Variants in PPM1H observed in about 807,000 individuals in gnomAD.
The protein encoded by PPM1H is protein phosphatase, Mg2+/Mn2+ dependent 1H.
Under a neutral mutation model 54.9 loss-of-function variants are expected in PPM1H, and 27 were observed. The observed-to-expected ratio is 0.49, with a 90% confidence interval of 0.36 to 0.68. The LOEUF is 0.68. Among genes scored for constraint, PPM1H ranks in the 30% least tolerant of loss-of-function variants. The pLI is 0.00. For missense variants in PPM1H, 596 were observed against 667.8 expected (o/e 0.89, Z 1.19); for synonymous variants, 305 against 270.8 (o/e 1.13, Z -1.24).
rs376671705 is a variant in PPM1H, at chr12:62,648,571, C to T, written c.1463G>A (p.Arg488Gln). The T allele has an allele frequency of 5.6e-5, 91 of 1,613,790 alleles. No homozygotes were observed. Among genetic ancestry groups the T allele is most frequent in the Non-Finnish European group, 3.6e-5 (43 of 1,179,870 alleles). ...ARGVLKDRGW[R>Q]ISNDRLGSGD... The stretch of plus-strand genomic sequence containing the variant: ...TGAGCCCAGTCGGTCATTAGATATC[C>T]GCCATCCTCTGTCCTTCAGCACACC... Residue 488 changes from arginine to glutamine, a missense_variant, in exon 10 of 10, where the codon CGG becomes CAG. By Grantham distance (43) the Arg-to-Gln change is conservative. Transcript: ENST00000228705.
intron 2 of PPM1H, among the ~76,000 whole-genome samples, chr12:62,817,152 T>TAAG (rs2076873697): frequency 1.6e-5 from 1 of 63,144 alleles, no homozygotes; most frequent in African/African-American, 7.4e-5. Flanking sequence ...AAAAAAAAAC[T>TAAG]AAAAAAAAGA....
Position 62,934,669 on chromosome 12 carries a change from G to T in PPM1H, c.68C>A (p.Ser23Tyr). ...MGGIMAGSSG[S>Y]EHGGGSCGGS... ...TCCGCAGCTGCCGCCGCCGTGCTCG[G>T]AGCCTGAGCTGCCAGCCATGATGCC... is the stretch of plus-strand genomic sequence containing the variant. The change falls in exon 1 of 10, where the codon TCC becomes TAC. Residue 23 changes from serine (S) to tyrosine (Y), a missense_variant. Physicochemically the swap from Ser to Tyr is moderately radical, Grantham distance 144. Around this residue, in one of 3 missense-constraint regions of PPM1H, gnomAD observed 382 missense variants for 387.1 expected, o/e 0.99. Coordinates refer to ENST00000228705, the MANE Select transcript of PPM1H (RefSeq NM_020700.2). This position sits in a 1 kb window ranked among gnomAD's most constrained non-coding sequence, Gnocchi z 4.2. 1.2e-6 allele frequency: 2 copies of T among 1,604,842 alleles called. No individual in the cohort carries two copies. Among genetic ancestry groups the T allele is most frequent in the Non-Finnish European group, 1.7e-6 (2 of 1,176,766 alleles).
intron 4 of PPM1H, among the ~76,000 whole-genome samples, chr12:62,738,611 G>A (rs996896909): frequency 6.6e-6 from 1 of 152,006 alleles, no homozygotes; most frequent in Non-Finnish European, 1.5e-5. Context: ...TTCAGCTATC[G>A]ATCGGTTGTG....
chr12:62,910,040 A>G (rs753146908), intron 1 of PPM1H, among the ~76,000 whole-genome samples: 2 of 152,190 alleles, frequency 1.3e-5, no homozygotes, highest in Non-Finnish European at 2.9e-5. Flanking sequence ...GGGCTATTGA[A>G]GTTGAAACCT....
chr12:62,821,233 A>G (rs2076901711), intron 2 of PPM1H, among the ~76,000 whole-genome samples: 1 of 152,354 alleles, frequency 6.6e-6, no homozygotes, highest in Non-Finnish European at 1.5e-5. Flanking sequence ...AAAAAAGTAA[A>G]AAGAAATGAA....
intron 4 of PPM1H, among the ~76,000 whole-genome samples, chr12:62,769,273 A>C (rs1592589958): frequency 6.6e-6 from 1 of 152,234 alleles, no homozygotes; most frequent in African/African-American, 2.4e-5. Flanking sequence ...ACTTGGGGTA[A>C]GGAAGTTGTC....
chr12:62,760,685 C>G (rs1468008447), intron 4 of PPM1H, among the ~76,000 whole-genome samples: 1 of 152,332 alleles, frequency 6.6e-6, no homozygotes, highest in African/African-American at 2.4e-5. Flanking sequence ...TCAGACCCCA[C>G]TAAATATATA....
At chr12:62,744,288 T>C (rs980033134) in intron 4 of PPM1H, among the ~76,000 whole-genome samples, 1 of 151,326 alleles carries the variant, frequency 6.6e-6, no homozygotes, top group Non-Finnish European at 1.5e-5. Context: ...CTGGCCAACA[T>C]GGTGAAAACC....
intron 9 of PPM1H, among the ~76,000 whole-genome samples, chr12:62,653,256 C>A (rs139023600): frequency 6.6e-6 from 1 of 152,312 alleles, no homozygotes; most frequent in East Asian, 1.9e-4. Context: ...CTGAAAACTT[C>A]TGAAAAATTC....
At chr12:62,817,658 C>T (rs2076879404) in intron 2 of PPM1H, among the ~76,000 whole-genome samples, 1 of 152,148 alleles carries the variant, frequency 6.6e-6, no homozygotes, top group Non-Finnish European at 1.5e-5. Flanking sequence ...TTCCAAAGGG[C>T]TGCTGTTGTA....
rs2075776729 is a variant in PPM1H at position 62,644,911 on chromosome 12, G to A, written c.*3578C>T. On this transcript the variant is annotated 3_prime_UTR_variant, in exon 10 of 10. Coordinates refer to ENST00000228705, the MANE Select transcript of PPM1H (RefSeq NM_020700.2). ...ACAGCTTTCTCCAAGTGTCCCAGAA[G>A]CACTAACTTACTGAAAATAGAATCT... 1 of 152,182 alleles carries A rather than the reference G, an allele frequency of 6.6e-6. No individual in the cohort carries two copies. The highest frequency in any genetic ancestry group is 1.5e-5 in the Non-Finnish European group (1 of 68,024). 9.4% of individuals were successfully genotyped at this position (152,182 alleles called of 1,614,324 possible).
chr12:62,788,362 G>A, intron 3 of PPM1H, 24 bp from the exon 4 acceptor site: 1 of 1,404,524 alleles, frequency 7.1e-7, no homozygotes, highest in African/African-American at 1.4e-5. Flanking sequence ...CAGAGTTAGT[G>A]TTGGATTGTG....
chr12:62,856,318 A>G (rs1247297982), intron 1 of PPM1H, among the ~76,000 whole-genome samples: 1 of 152,148 alleles, frequency 6.6e-6, no homozygotes, highest in Non-Finnish European at 1.5e-5. Flanking sequence ...CTCTCTAATG[A>G]GCATAAGTTA....
intron 4 of PPM1H, among the ~76,000 whole-genome samples, chr12:62,779,412 G>T (rs537647414): frequency 6.6e-6 from 1 of 152,326 alleles, no homozygotes; most frequent in East Asian, 1.9e-4. Flanking sequence ...GTAGAATGCA[G>T]TTGATGCACA....
chr12:62,796,979 A>C (rs1159058228), intron 3 of PPM1H, among the ~76,000 whole-genome samples: 2 of 152,186 alleles, frequency 1.3e-5, no homozygotes, highest in Admixed American at 1.3e-4. Context: ...CAGTCATCTC[A>C]TTAGGATACA....
chr12:62,809,915 T>C (rs190687854), intron 2 of PPM1H, among the ~76,000 whole-genome samples: 2 of 152,134 alleles, frequency 1.3e-5, no homozygotes, highest in African/African-American at 2.4e-5. Context: ...CCTATCTCTC[T>C]GCTTGGAAAA....
chr12:62,698,812 C>A (rs2120366440), intron 6 of PPM1H, among the ~76,000 whole-genome samples: 1 of 152,088 alleles, frequency 6.6e-6, no homozygotes, highest in South Asian at 2.1e-4. Flanking sequence ...CTCATGGTCT[C>A]CTCTAGTTTA....
At chr12:62,878,966 T>C (rs1870291893) in intron 1 of PPM1H, among the ~76,000 whole-genome samples, 1 of 152,116 alleles carries the variant, frequency 6.6e-6, no homozygotes, top group South Asian at 2.1e-4. Context: ...AGAAAACTAC[T>C]GATTGAAGGT....
At chr12:62,721,096 T>A (rs1194928656) in intron 5 of PPM1H, 1 of 152,266 alleles carries the variant, frequency 6.6e-6, no homozygotes, top group Non-Finnish European at 1.5e-5. Context: ...TTCTTTCTTT[T>A]CTGGCAGGGA....
Sources: allele counts gnomAD v4.1 joint callset (sites outside exome capture counted in the v4.1 genomes callset), GRCh38; gene constraint gnomAD v4.1.1; regional missense constraint gnomAD v4.1.1; non-coding constraint Gnocchi (gnomAD v3.1); transcripts MANE v1.5; gene names NCBI Gene and HGNC (gene_info 2026-07-23, HGNC 2026-07-21).